The following FRAS1 variants were observed in gnomAD, a reference collection of about 807,000 sequenced individuals.
The protein encoded by FRAS1 is Fraser extracellular matrix complex subunit 1.
FRAS1 carries 290 observed loss-of-function variants against 435.2 expected under a neutral mutation model. The ratio of observed to expected loss-of-function variants is 0.67; its 90% CI spans 0.61 to 0.73. FRAS1 has a LOEUF of 0.73. FRAS1 is among the 30% of genes least tolerant of loss of function. The pLI, the probability that FRAS1 is intolerant of heterozygous loss-of-function variation, is 0.00. For synonymous variants in FRAS1, 1,800 were observed against 1,851.0 expected, an observed-to-expected ratio of 0.97 and a Z score of 0.71; for missense variants, 4,860 against 5,001.5, an observed-to-expected ratio of 0.97 and a Z score of 0.85.
chr4:78,118,819 C>T (rs571900278), intron 2 of FRAS1, among the ~76,000 whole-genome samples: 21 of 152,292 alleles, frequency 1.4e-4, no homozygotes, highest in African/African-American at 5.1e-4. Flanking sequence ...GCGCTGCACT[C>T]ACTGTCCTGC....
At position 78,169,012 on chromosome 4, in the gene FRAS1, A is replaced by G. The variant is rs1721446920; in HGVS notation, c.109-68498A>G. 2.0e-5 allele frequency among the ~76,000 whole-genome samples: 3 copies of G among 152,148 alleles called. No homozygotes were observed. The South Asian group carries it at 6.2e-4, about 31-fold the overall frequency. On this transcript the variant is annotated intron_variant, in intron 2 of 73. Coordinates refer to ENST00000512123, the MANE Select transcript of FRAS1 (RefSeq NM_025074.7). ...AGTCTTCACTGGGAAATTTAGGTGC[A>G]GATTGTGATCCGGGCTGGGATTGCT... is the stretch of plus-strand genomic sequence containing the variant.
At position 78,177,817 on chromosome 4, in the gene FRAS1, A is replaced by G. The variant is rs141334204; in HGVS notation, c.109-59693A>G. On this transcript the variant is annotated intron_variant, in intron 2 of 73. Coordinates refer to ENST00000512123, the MANE Select transcript of FRAS1 (RefSeq NM_025074.7). ...ATACGGATTGGATTGAACACTGTGT[A>G]TTACTTCCTGGAAGTTACTGAACGC... 1.1e-4 allele frequency among the ~76,000 whole-genome samples: 17 copies of G among 152,228 alleles called. No homozygotes were observed. In the East Asian group the frequency reaches 3.3e-3, roughly 29 times the overall value.
At chr4:78,286,153 G>T in intron 13 of FRAS1, 1 of 600,214 alleles carries the variant, frequency 1.7e-6, no homozygotes, top group Non-Finnish European at 3.1e-6. Context: ...CATCTGTAAA[G>T]TTGGGATTAA....
intron 2 of FRAS1, among the ~76,000 whole-genome samples, chr4:78,162,926 A>G (rs1459216807): frequency 6.6e-6 from 1 of 152,210 alleles, no homozygotes; most frequent in East Asian, 1.9e-4. Flanking sequence ...AGTCATTCCA[A>G]TTGTTTTTGT....
In FRAS1 at chr4:78,057,602, C is replaced by T. The variant is rs1283875275; in HGVS notation, c.-408C>T. ...AAAAGCTGCTTCGGACAAACCAGAG[C>T]CAGGATTTCCACTGTCGGGGACCCG... On this transcript the variant is annotated 5_prime_UTR_variant, in exon 1 of 74. Transcript: ENST00000512123. This position sits in a 1 kb window ranked among gnomAD's most constrained non-coding sequence, Gnocchi z 4.2. The T allele has an allele frequency of 5.0e-6, 1 of 199,672 alleles. No individual in the cohort carries two copies. Among genetic ancestry groups the T allele is most frequent in the African/African-American group, 2.3e-5 (1 of 43,474 alleles). 12.4% of individuals were successfully genotyped at this position (199,672 alleles called of 1,614,324 possible). A position where few individuals can be genotyped will look rare whatever the true frequency, so the allele number is the denominator to read the frequency against.
At chr4:78,332,189 G>A (rs531049349) in intron 18 of FRAS1, among the ~76,000 whole-genome samples, 1 of 152,164 alleles carries the variant, frequency 6.6e-6, no homozygotes, top group Non-Finnish European at 1.5e-5. Context: ...GATAAGGGAG[G>A]TGGTGGGAGT....
Position 78,513,434 on chromosome 4 carries a change from G to A in FRAS1, c.10056G>A (p.Leu3352=), listed in dbSNP as rs369744266. The change falls in exon 65 of 74, where the codon CTG becomes CTA. Residue 3352 remains leucine (L), a synonymous_variant. Transcript: ENST00000512123. The part of the protein sequence containing the change: ...SVQIPHQDGM[L]PLISTMPLHN... ...AGATCCCACACCAGGATGGAATGCT[G>A]CCCCTTATCTCCACCATGCCGTTGC... 29 of 1,613,884 alleles carry A rather than the reference G, an allele frequency of 1.8e-5. No homozygotes were observed. The highest frequency in any genetic ancestry group is 2.5e-5 in the Non-Finnish European group (29 of 1,179,832).
intron 29 of FRAS1, among the ~76,000 whole-genome samples, chr4:78,395,843 C>T (rs1732635978): frequency 6.6e-6 from 1 of 152,050 alleles, no homozygotes; most frequent in Non-Finnish European, 1.5e-5. Flanking sequence ...AGAATTTAAT[C>T]CATTTACATT....
At chr4:78,341,363 G>A (rs1316835669) in intron 20 of FRAS1, among the ~76,000 whole-genome samples, 1 of 152,184 alleles carries the variant, frequency 6.6e-6, no homozygotes, top group Non-Finnish European at 1.5e-5. Context: ...ATGCCTTGAA[G>A]ATTCTGGGAA....
intron 1 of FRAS1, among the ~76,000 whole-genome samples, chr4:78,065,526 TCTC>T (rs1739990329): frequency 6.6e-6 from 1 of 151,926 alleles, no homozygotes; most frequent in Non-Finnish European, 1.5e-5. Context: ...ACAAAGTACA[TCTC>T]CTGTAGAAAA....
At chr4:78,468,719 C>T (rs546990347) in intron 50 of FRAS1, among the ~76,000 whole-genome samples, 30 of 152,274 alleles carry the variant, frequency 2.0e-4, no homozygotes, top group Middle Eastern at 3.4e-3. Context: ...TCATAAACCT[C>T]GCCTGGGAAA....
intron 20 of FRAS1, among the ~76,000 whole-genome samples, chr4:78,358,273 G>A (rs766599035): frequency 2.0e-5 from 3 of 152,090 alleles, no homozygotes; most frequent in Admixed American, 2.0e-4. Flanking sequence ...TGACAACTCC[G>A]ATTTTCACCA....
chr4:78,117,809 T>C (rs1483722531), intron 2 of FRAS1, among the ~76,000 whole-genome samples: 2 of 152,284 alleles, frequency 1.3e-5, no homozygotes, highest in African/African-American at 4.8e-5. Context: ...TTTGATCGTC[T>C]GAAGCCTTCT....
In FRAS1 at chr4:78,466,259, G is replaced by A. The variant is rs1215373021; in HGVS notation, c.7081G>A (p.Glu2361Lys). The change falls in exon 50 of 74, where the codon GAG becomes AAG. Residue 2361 changes from glutamate to lysine, a missense_variant. Physicochemically the swap from Glu to Lys is moderately conservative, Grantham distance 56 (BLOSUM62 1). Coordinates refer to ENST00000512123, the MANE Select transcript of FRAS1 (RefSeq NM_025074.7). ...GCAGCCTCCACGCCATGGCACCATCGAGCGAACCAGCAATGGGCAGCATTT... is the reference window on the plus strand; with the variant it reads ...GCAGCCTCCACGCCATGGCACCATCAAGCGAACCAGCAATGGGCAGCATTT... ...IVQPPRHGTI[E>K]RTSNGQHFHL... 5.0e-6 allele frequency: 8 copies of A among 1,613,698 alleles called. No homozygotes were observed. The highest frequency in any genetic ancestry group is 1.3e-5 in the African/African-American group (1 of 74,880).
rs747225163 is a variant in FRAS1 at position 78,252,495 on chromosome 4, A to G, written c.413A>G (p.Gln138Arg). Reference protein sequence around the residue: ...QPCPPLSCGHQELAFIPEGSC... With the variant: ...QPCPPLSCGHRELAFIPEGSC... ...TGCCCACCGCTGTCATGTGGACACCAGGAGCTGGCATTCATCCCTGAAGGA... is the reference window on the plus strand; with the variant it reads ...TGCCCACCGCTGTCATGTGGACACCGGGAGCTGGCATTCATCCCTGAAGGA... The change falls in exon 5 of 74, where the codon CAG becomes CGG. Residue 138 changes from glutamine (Q) to arginine (R), a missense_variant. Transcript: ENST00000512123. 2 of 1,613,746 alleles carry G rather than the reference A, an allele frequency of 1.2e-6. No homozygotes were observed. The highest frequency in any genetic ancestry group is 3.3e-5 in the Admixed American group (2 of 59,970).
rs1339480834 is a variant in FRAS1, at chr4:78,391,849, T to C, written c.3975+4148T>C. Among the ~76,000 whole-genome samples the C allele has an allele frequency of 2.0e-5, 3 of 152,318 alleles. No individual in the cohort carries two copies. The East Asian group carries it at 5.8e-4, about 29-fold the overall frequency. ...TAATGCCTACCTCTCATTGGTTGTC[T>C]TTCAGGGACACAGTTGGTTTGATAA... On this transcript the variant is annotated intron_variant, in intron 29 of 73. Coordinates refer to ENST00000512123, the MANE Select transcript of FRAS1 (RefSeq NM_025074.7).
At chr4:78,331,998 G>C (rs533497759) in intron 18 of FRAS1, among the ~76,000 whole-genome samples, 1 of 152,286 alleles carries the variant, frequency 6.6e-6, no homozygotes, top group Non-Finnish European at 1.5e-5. Flanking sequence ...GGTGATGGGG[G>C]GAACATGGGC....
chr4:78,308,094 G>C lies in FRAS1; in HGVS notation c.1563G>C (p.Trp521Cys). The change falls in exon 15 of 74, where the codon TGG (tryptophan) becomes TGC (cysteine). Residue 521 changes from tryptophan to cysteine, a missense_variant. Coordinates refer to ENST00000512123, the MANE Select transcript of FRAS1 (RefSeq NM_025074.7). Reference sequence around the variant, plus strand: ...GCCATGAGTCCTGTGCAGGTTGCTGGGGCCCAACGGAGAAGCACTGCTTGG... The same window carrying C: ...GCCATGAGTCCTGTGCAGGTTGCTGCGGCCCAACGGAGAAGCACTGCTTGG... ...AVCHESCAGCWGPTEKHCLAC... is the reference protein window; with the variant it reads ...AVCHESCAGCCGPTEKHCLAC... The C allele has an allele frequency of 6.2e-7, 1 of 1,613,456 alleles. No individual in the cohort carries two copies. Among genetic ancestry groups the C allele is most frequent in the Middle Eastern group, 1.6e-4 (1 of 6,062 alleles).
chr4:78,417,231 G>A (rs1045692943), intron 32 of FRAS1, among the ~76,000 whole-genome samples: 4 of 152,016 alleles, frequency 2.6e-5, no homozygotes, highest in Non-Finnish European at 5.9e-5. Flanking sequence ...CTGTTATCTT[G>A]GCTGGAACAT....
Sources: gnomAD v4.1 joint callset for allele counts (sites outside exome capture counted in the v4.1 genomes callset) on GRCh38, gnomAD v4.1.1 for gene constraint, Gnocchi (gnomAD v3.1) non-coding constraint, MANE v1.5 for transcripts, NCBI Gene and HGNC (gene_info 2026-07-23, HGNC 2026-07-21) for gene names.